The following PCSK5 variants were observed in gnomAD, a reference collection of about 807,000 sequenced individuals.
PCSK5 encodes proprotein convertase subtilisin/kexin type 5, also known as prohormone convertase 5.
A neutral mutation model predicts 233.2 loss-of-function variants in PCSK5; 129 were observed. The observed-to-expected ratio is 0.55, with a 90% CI of 0.48 to 0.64. The LOEUF (loss-of-function observed/expected upper bound fraction) is 0.64. PCSK5 is among the 30% of genes least tolerant of loss of function. The pLI, the probability that PCSK5 is intolerant of heterozygous loss-of-function variation, is 0.00. For missense variants in PCSK5, 2,076 were observed against 2,430.1 expected (o/e 0.85, Z 3.06); for synonymous variants, 825 against 879.2 (o/e 0.94, Z 1.09).
chr9:76,060,737 T>C (rs1364162697), intron 5 of PCSK5, among the ~76,000 whole-genome samples: 2 of 152,152 alleles, frequency 1.3e-5, no homozygotes, highest in Non-Finnish European at 2.9e-5. Flanking sequence ...AAAAGAGGAT[T>C]GATAACGTTA....
intron 12 of PCSK5, among the ~76,000 whole-genome samples, chr9:76,162,558 G>C (rs190588437): frequency 1.3e-5 from 2 of 152,022 alleles, no homozygotes; most frequent in Admixed American, 1.3e-4. Flanking sequence ...AAAATGAAGA[G>C]GTCAGGTTTT....
chr9:75,983,270 T>A (rs1352140002), intron 2 of PCSK5, among the ~76,000 whole-genome samples: 1 of 152,224 alleles, frequency 6.6e-6, no homozygotes, highest in Non-Finnish European at 1.5e-5. Flanking sequence ...ATAACTTACA[T>A]AATTTATATG....
At chr9:76,252,216 C>G (rs1221963249) in intron 24 of PCSK5, among the ~76,000 whole-genome samples, 2 of 152,078 alleles carry the variant, frequency 1.3e-5, no homozygotes, top group Non-Finnish European at 2.9e-5. Context: ...TGCAGTGAGC[C>G]GCGATCGCGT....
chr9:76,056,147 T>C (rs1829812014), intron 5 of PCSK5, among the ~76,000 whole-genome samples: 1 of 152,164 alleles, frequency 6.6e-6, no homozygotes, highest in South Asian at 2.1e-4. Context: ...AGATGTTTGT[T>C]CCAAGAAAAG....
intron 2 of PCSK5, among the ~76,000 whole-genome samples, chr9:75,972,639 A>G (rs1022796871): frequency 1.2e-4 from 18 of 152,152 alleles, no homozygotes; most frequent in Admixed American, 6.5e-4. Flanking sequence ...CTTTGTAGCC[A>G]TTGTGAATGG....
chr9:75,902,449 A>G (rs1275942443), intron 1 of PCSK5, among the ~76,000 whole-genome samples: 1 of 152,118 alleles, frequency 6.6e-6, no homozygotes, highest in African/African-American at 2.4e-5. Flanking sequence ...TTACAAACAA[A>G]AGAAAAATGG....
chr9:76,137,463 A>AAAT (rs36040188), intron 10 of PCSK5, among the ~76,000 whole-genome samples: 38,518 of 151,852 alleles, frequency 0.25, 5,673 homozygotes, highest in East Asian at 0.58. Context: ...GCTGTTTCTT[A>AAAT]AATAATAATA....
intron 3 of PCSK5, among the ~76,000 whole-genome samples, chr9:76,018,160 G>A (rs1828030441): frequency 6.6e-6 from 1 of 151,372 alleles, no homozygotes; most frequent in Non-Finnish European, 1.5e-5. Flanking sequence ...AACCATAGTG[G>A]GCTATTTCCA....
intron 7 of PCSK5, among the ~76,000 whole-genome samples, chr9:76,093,476 C>T (rs2131644417): frequency 6.6e-6 from 1 of 151,924 alleles, no homozygotes; most frequent in East Asian, 1.9e-4. Flanking sequence ...AAAATGCTTC[C>T]TAAATATTTT....
intron 1 of PCSK5, among the ~76,000 whole-genome samples, chr9:75,920,962 A>T (rs886719580): frequency 2.0e-5 from 3 of 152,070 alleles, no homozygotes; most frequent in African/African-American, 7.2e-5. Flanking sequence ...TTTTGAGGGG[A>T]GAGTTTTTGG....
In PCSK5 at chr9:76,181,576, T is replaced by C. The variant is rs1431617264; in HGVS notation, c.2182T>C (p.Ser728Pro). The C allele has an allele frequency of 6.2e-7, 1 of 1,610,336 alleles. No individual in the cohort carries two copies. Among genetic ancestry groups the C allele is most frequent in the Non-Finnish European group, 8.5e-7 (1 of 1,177,072 alleles). Residue 728 changes from serine (S) to proline (P), a missense_variant, in exon 16 of 38, where the codon TCA (serine) becomes CCA (proline). Transcript: ENST00000674117. ...NSCVTHCPDG[S>P]YQDTKKNLCR... ...CTGTGTTACTCACTGCCCTGATGGGTCATATCAGGATACCAGTAAGCTCAC... is the reference window on the plus strand; with the variant it reads ...CTGTGTTACTCACTGCCCTGATGGGCCATATCAGGATACCAGTAAGCTCAC...
intron 24 of PCSK5, among the ~76,000 whole-genome samples, chr9:76,243,966 A>G (rs763211557): frequency 6.6e-6 from 1 of 152,250 alleles, no homozygotes; most frequent in East Asian, 1.9e-4. Context: ...GCTCACGCCT[A>G]TAATTCCAGC....
intron 7 of PCSK5, among the ~76,000 whole-genome samples, chr9:76,084,221 A>G (rs1356045851): frequency 6.6e-6 from 1 of 152,232 alleles, no homozygotes; most frequent in Non-Finnish European, 1.5e-5. Context: ...TTTTTCATAA[A>G]TACATATGTG....
At chr9:76,119,656 A>G (rs2131710777) in intron 9 of PCSK5, among the ~76,000 whole-genome samples, 1 of 151,976 alleles carries the variant, frequency 6.6e-6, no homozygotes, top group South Asian at 2.1e-4. Flanking sequence ...AATTTTTAAT[A>G]TTTTTGCATG....
intron 9 of PCSK5, among the ~76,000 whole-genome samples, chr9:76,122,816 CTTTTTTTTTTCTT>C (rs1386393514): frequency 5.4e-5 from 7 of 130,510 alleles, no homozygotes; most frequent in South Asian, 2.5e-4. Context: ...CTTATTTTTT[CTTTTTTTTTTCTT>C]TTTTTTTTTT....
intron 3 of PCSK5, among the ~76,000 whole-genome samples, chr9:75,995,903 G>A (rs554375688): frequency 6.6e-6 from 1 of 151,792 alleles, no homozygotes; most frequent in South Asian, 2.1e-4. Flanking sequence ...TTTCATTATG[G>A]GTAGTAATCA....
chr9:76,229,519 T>C (rs1464205277), intron 21 of PCSK5, among the ~76,000 whole-genome samples: 1 of 152,214 alleles, frequency 6.6e-6, no homozygotes, highest in African/African-American at 2.4e-5. Flanking sequence ...AGTGAACTAA[T>C]TAAAAATATT....
chr9:76,191,992 T>C (rs553609285), intron 20 of PCSK5, among the ~76,000 whole-genome samples: 2 of 142,706 alleles, frequency 1.4e-5, no homozygotes, highest in African/African-American at 5.3e-5. Context: ...AGCATGAGAA[T>C]CACTTGAACC....
chr9:76,004,966 C>A (rs1157358842), intron 3 of PCSK5, among the ~76,000 whole-genome samples: 1 of 152,204 alleles, frequency 6.6e-6, no homozygotes, highest in Non-Finnish European at 1.5e-5. Flanking sequence ...CCTTTTTCAG[C>A]AGACAGAGCT....
Sources: gnomAD v4.1 joint callset for allele counts (sites outside exome capture counted in the v4.1 genomes callset) on GRCh38, gnomAD v4.1.1 for gene constraint, MANE v1.5 for transcripts, NCBI Gene and HGNC (gene_info 2026-07-23, HGNC 2026-07-21) for gene names.